SPSB1: variants seen among roughly 807,000 people sequenced by gnomAD.
SPSB1 encodes splA/ryanodine receptor domain and SOCS box containing 1.
SPSB1 carries 8 observed loss-of-function variants against 21.2 expected under a neutral mutation model. That is an observed-to-expected ratio of 0.38 (90% CI 0.22 to 0.68). The LOEUF (loss-of-function observed/expected upper bound fraction) is 0.68, where lower values mean the gene tolerates loss of function less well. SPSB1 is among the 30% of genes least tolerant of loss of function. SPSB1 has a pLI of 0.53. For missense variants in SPSB1, 242 were observed against 377.8 expected, an observed-to-expected ratio of 0.64 and a Z score of 2.98; for synonymous variants, 169 against 161.7, an observed-to-expected ratio of 1.05 and a Z score of -0.34.
intron 2 of SPSB1, among the ~76,000 whole-genome samples, chr1:9,361,475 C>T (rs774786838): frequency 2.4e-4 from 36 of 152,148 alleles, no homozygotes; most frequent in African/African-American, 6.8e-4. Flanking sequence ...AGTTTGCCTG[C>T]GTGTGTGCCT....
chr1:9,330,146 A>C lies in SPSB1; in HGVS notation c.-149-25597A>C, dbSNP rs1639890375. Among the ~76,000 whole-genome samples, 4 of 152,198 alleles carry C rather than the reference A, an allele frequency of 2.6e-5. No individual in the cohort carries two copies. The South Asian group carries it at 8.3e-4, about 31-fold the overall frequency. ...GCTAGGTGCTTGCTCATCGAGAAGA[A>C]TCTGAATGACACCTGATATGTACAC... On this transcript the variant is annotated intron_variant, in intron 1 of 2. Transcript: ENST00000328089.
intron 1 of SPSB1, among the ~76,000 whole-genome samples, chr1:9,320,916 A>G (rs915698240): frequency 6.6e-5 from 10 of 151,672 alleles, no homozygotes; most frequent in Non-Finnish European, 1.5e-4. Context: ...GGAGGGGCCA[A>G]ACCCCTCCCC....
chr1:9,315,572 T>C (rs961137489), intron 1 of SPSB1, among the ~76,000 whole-genome samples: 2 of 152,144 alleles, frequency 1.3e-5, no homozygotes, highest in African/African-American at 4.8e-5. Flanking sequence ...AACCATCGAG[T>C]GATGCACACT....
At chr1:9,313,599 T>G (rs1384409589) in intron 1 of SPSB1, among the ~76,000 whole-genome samples, 9 of 151,246 alleles carry the variant, frequency 6.0e-5, no homozygotes, top group Non-Finnish European at 8.8e-5. Flanking sequence ...CCCGGGCTGC[T>G]GGGGGAGAAA....
At chr1:9,303,050 C>G (rs1639361243) in intron 1 of SPSB1, among the ~76,000 whole-genome samples, 1 of 152,134 alleles carries the variant, frequency 6.6e-6, no homozygotes, top group South Asian at 2.1e-4. Context: ...CTTTGGGCTC[C>G]CTGTGCCTCT....
intron 1 of SPSB1, among the ~76,000 whole-genome samples, chr1:9,322,243 C>T (rs1291047431): frequency 6.6e-6 from 1 of 152,174 alleles, no homozygotes; most frequent in Non-Finnish European, 1.5e-5. Flanking sequence ...GCATCGTCTC[C>T]TCTAATCCCC....
chr1:9,314,416 C>T (rs1252038891), intron 1 of SPSB1, among the ~76,000 whole-genome samples: 1 of 151,952 alleles, frequency 6.6e-6, no homozygotes, highest in Admixed American at 6.5e-5. Flanking sequence ...AGATGGGCAC[C>T]TGGCTGCCCA....
rs546075063 is a variant in SPSB1, at chr1:9,336,925, T to C, written c.-149-18818T>C. Among the ~76,000 whole-genome samples, 29 of 152,306 alleles carry C rather than the reference T, an allele frequency of 1.9e-4. No individual in the cohort carries two copies. In the South Asian group the frequency reaches 5.8e-3, roughly 30 times the overall value. On this transcript the variant is annotated intron_variant, in intron 1 of 2. Coordinates refer to ENST00000328089, the MANE Select transcript of SPSB1 (RefSeq NM_025106.4). ...GAGCCTTCTAACCTGGCACCTCCCCTTCTGGTGCCTGCTGGTCCCCACTGA... is the reference window on the plus strand; with the variant it reads ...GAGCCTTCTAACCTGGCACCTCCCCCTCTGGTGCCTGCTGGTCCCCACTGA...
intron 2 of SPSB1, among the ~76,000 whole-genome samples, chr1:9,360,520 G>T (rs1276559727): frequency 6.6e-6 from 1 of 152,170 alleles, no homozygotes. Flanking sequence ...CTGCGATCAG[G>T]ATGGTAGCGG....
rs1321356600 is a variant in SPSB1 at position 9,356,778 on chromosome 1, A to G, written c.694+193A>G. Among the ~76,000 whole-genome samples the G allele has an allele frequency of 6.6e-6, 1 of 152,228 alleles. No homozygotes were observed. Among genetic ancestry groups the G allele is most frequent in the Non-Finnish European group, 1.5e-5 (1 of 68,036 alleles). ...CTACCCAGAGTCAGCTAGATTACCT[A>G]ACGGTGCCTCATGAATGAATGGACA... On this transcript the variant is annotated intron_variant, in intron 2 of 2. Coordinates refer to ENST00000328089, the MANE Select transcript of SPSB1 (RefSeq NM_025106.4). The surrounding 1 kb of genome is among the most constrained non-coding windows in gnomAD (Gnocchi z 7.4).
At chr1:9,318,984 C>G (rs1292708464) in intron 1 of SPSB1, among the ~76,000 whole-genome samples, 2 of 42,864 alleles carry the variant, frequency 4.7e-5, no homozygotes, top group African/African-American at 3.4e-4. Flanking sequence ...GAGGTCATGC[C>G]TGGGCAACAT....
At position 9,293,436 on chromosome 1, in the gene SPSB1, C is replaced by T. The variant is rs1405482448; in HGVS notation, c.-150+365C>T. On this transcript the variant is annotated intron_variant, in intron 1 of 2. Transcript: ENST00000328089. The surrounding 1 kb of genome is among the most constrained non-coding windows in gnomAD (Gnocchi z 5.1). ...GAGGGGCTGGGGCGCTCCGGGGCCG[C>T]CGACCCGTCCCCCCTTTAGCCCGGG... Among the ~76,000 whole-genome samples the T allele has an allele frequency of 6.6e-6, 1 of 151,538 alleles. No individual in the cohort carries two copies. The highest frequency in any genetic ancestry group is 1.5e-5 in the Non-Finnish European group (1 of 67,736).
intron 1 of SPSB1, among the ~76,000 whole-genome samples, chr1:9,325,313 G>C (rs1330672583): frequency 6.6e-6 from 1 of 151,766 alleles, no homozygotes; most frequent in African/African-American, 2.4e-5. Context: ...ACTAGGGACA[G>C]TCTGGGCTGT....
intron 1 of SPSB1, among the ~76,000 whole-genome samples, chr1:9,304,334 A>G (rs1639379197): frequency 6.6e-6 from 1 of 152,134 alleles, no homozygotes. Flanking sequence ...GATGGCCTGT[A>G]GTGGGACTCA....
chr1:9,341,796 G>A (rs1490659636), intron 1 of SPSB1, among the ~76,000 whole-genome samples: 10 of 152,098 alleles, frequency 6.6e-5, no homozygotes, highest in Non-Finnish European at 8.8e-5. Flanking sequence ...TCCACCTCCC[G>A]GGTTCAAGCG....
rs375050328 is a variant in SPSB1 at position 9,348,091 on chromosome 1, C to T, written c.-149-7652C>T. On this transcript the variant is annotated intron_variant, in intron 1 of 2. Coordinates refer to ENST00000328089, the MANE Select transcript of SPSB1 (RefSeq NM_025106.4). The surrounding 1 kb of genome is among the most constrained non-coding windows in gnomAD (Gnocchi z 4.8). Reference sequence around the variant, plus strand: ...TCCCGAGTAGCTGGGATTACAGGTGCTCACCACCACGCCCAGCTTATTTTT... The same window carrying T: ...TCCCGAGTAGCTGGGATTACAGGTGTTCACCACCACGCCCAGCTTATTTTT... 1.8e-4 allele frequency among the ~76,000 whole-genome samples: 28 copies of T among 152,000 alleles called. No individual in the cohort carries two copies. The highest frequency in any genetic ancestry group is 6.8e-4 in the African/African-American group (28 of 41,456).
chr1:9,361,159 T>TTTTTTTTTTTTTTTTTTTG lies in SPSB1; in HGVS notation c.694+4592_694+4593insGTTTTTTTTTTTTTTTTTT, dbSNP rs1557467292. ...GCATGGCTGGATCTGTCATTTTCTT[T>TTTTTTTTTTTTTTTTTTTG]TTTTTTTTTTTTTTTTTTTTTTTTA... On this transcript the variant is annotated intron_variant, in intron 2 of 2. Coordinates refer to ENST00000328089, the MANE Select transcript of SPSB1 (RefSeq NM_025106.4). Among the ~76,000 whole-genome samples the TTTTTTTTTTTTTTTTTTTG allele has an allele frequency of 5.7e-4, 19 of 33,234 alleles. 4 individuals are homozygous for TTTTTTTTTTTTTTTTTTTG. In the East Asian group the frequency reaches 6.2e-3, roughly 11 times the overall value. 21.8% of individuals were successfully genotyped at this position (33,234 alleles called of 152,430 possible). A position where few individuals can be genotyped will look rare whatever the true frequency, so the allele number is the denominator to read the frequency against.
At chr1:9,313,387 C>G (rs550910048) in intron 1 of SPSB1, among the ~76,000 whole-genome samples, 26 of 151,948 alleles carry the variant, frequency 1.7e-4, no homozygotes, top group Non-Finnish European at 3.2e-4. Flanking sequence ...GCAACAAGAG[C>G]GAAACACCGC....
Position 9,367,319 on chromosome 1 carries a change from T to G in SPSB1, c.695-129T>G. 6.6e-7 allele frequency: 1 copy of G among 1,520,052 alleles called. No individual in the cohort carries two copies. Among genetic ancestry groups the G allele is most frequent in the Non-Finnish European group, 9.0e-7 (1 of 1,113,958 alleles). 94.2% of individuals were successfully genotyped at this position (1,520,052 alleles called of 1,614,324 possible). On this transcript the variant is annotated intron_variant, in intron 2 of 2. Coordinates refer to ENST00000328089, the MANE Select transcript of SPSB1 (RefSeq NM_025106.4). This position sits in a 1 kb window ranked among gnomAD's most constrained non-coding sequence, Gnocchi z 5.9. The stretch of plus-strand genomic sequence containing the variant: ...TGCTAAATTTAAAATGAAAAAGCAT[T>G]GCATTTTTCATTGTTTCTTTACTGA...
Sources: gnomAD v4.1 joint callset for allele counts (sites outside exome capture counted in the v4.1 genomes callset) on GRCh38, gnomAD v4.1.1 for gene constraint, Gnocchi (gnomAD v3.1) non-coding constraint, MANE v1.5 for transcripts, NCBI Gene and HGNC (gene_info 2026-07-23, HGNC 2026-07-21) for gene names.